The following ADAMTS9 variants were observed in gnomAD, a reference collection of about 807,000 sequenced individuals.
The protein encoded by ADAMTS9 is ADAM metallopeptidase with thrombospondin type 1 motif 9, also known as A disintegrin and metalloproteinase with thrombospondin motifs 9.
In ADAMTS9, 107 loss-of-function variants were observed where a neutral mutation model predicts 257.1. The ratio of observed to expected loss-of-function variants is 0.42; its 90% CI spans 0.36 to 0.49. The LOEUF is 0.49. Among genes scored for constraint, ADAMTS9 ranks in the 20% least tolerant of loss-of-function variants. The pLI is 0.03. For missense variants in ADAMTS9, 2,353 were observed against 2,469.1 expected (o/e 0.95, Z 1.00); for synonymous variants, 982 against 880.9 (o/e 1.11, Z -2.03).
At chr3:64,659,271 C>T (rs1329648845) in intron 3 of ADAMTS9, among the ~76,000 whole-genome samples, 1 of 152,042 alleles carries the variant, frequency 6.6e-6, no homozygotes, top group Non-Finnish European at 1.5e-5. Context: ...AGTTTGAGAC[C>T]AGACTGGCCA....
In ADAMTS9 at chr3:64,649,777, T is replaced by C. The variant is rs1422030377; in HGVS notation, c.1465A>G (p.Thr489Ala). The change falls in exon 10 of 40, where the codon ACT becomes GCT. Residue 489 changes from threonine (T) to alanine (A), a missense_variant and splice_region_variant. Around this residue, in one of 3 missense-constraint regions of ADAMTS9, gnomAD observed 360 missense variants for 458.1 expected, o/e 0.79. Coordinates refer to ENST00000498707, the MANE Select transcript of ADAMTS9 (RefSeq NM_182920.2). Reference protein sequence around the residue: ...SRKYITEFLDTGYGECLLNEP... With the variant: ...SRKYITEFLDAGYGECLLNEP... ...TTAAGCAAACACTCGCCATAACCAG[T>C]GCTACGGAAACACACAGAAACACAC... 2.5e-6 allele frequency: 4 copies of C among 1,612,614 alleles called. No individual in the cohort carries two copies. The highest frequency in any genetic ancestry group is 3.4e-6 in the Non-Finnish European group (4 of 1,179,352).
chr3:64,632,094 G>A (rs913827463), intron 14 of ADAMTS9, among the ~76,000 whole-genome samples, 169 bp from the exon 15 acceptor site: 1 of 152,148 alleles, frequency 6.6e-6, no homozygotes, highest in African/African-American at 2.4e-5. Flanking sequence ...TATTTAAAAT[G>A]TGGTCCTTGG....
intron 28 of ADAMTS9, among the ~76,000 whole-genome samples, chr3:64,580,311 A>G (rs765258787): frequency 6.6e-6 from 1 of 152,172 alleles, no homozygotes; most frequent in Non-Finnish European, 1.5e-5. Flanking sequence ...TTCATTTAGA[A>G]AAAGCCTTGC....
intron 11 of ADAMTS9, among the ~76,000 whole-genome samples, chr3:64,642,261 T>C (rs1245535544): frequency 1.3e-5 from 2 of 152,146 alleles, no homozygotes; most frequent in African/African-American, 4.8e-5. Context: ...ATGGCAAGCT[T>C]CAAACCACTC....
chr3:64,572,678 A>T (rs2083721418), intron 28 of ADAMTS9, among the ~76,000 whole-genome samples: 1 of 152,216 alleles, frequency 6.6e-6, no homozygotes, highest in South Asian at 2.1e-4. Flanking sequence ...TAAAGATACC[A>T]TAAAGAACCA....
At chr3:64,553,914 T>A (rs2083299987) in intron 30 of ADAMTS9, among the ~76,000 whole-genome samples, 1 of 151,778 alleles carries the variant, frequency 6.6e-6, no homozygotes, top group Non-Finnish European at 1.5e-5. Context: ...TTTTCATCAT[T>A]AAAAAGGTGA....
intron 21 of ADAMTS9, chr3:64,614,787 A>C (rs1363561556): frequency 2.6e-5 from 4 of 152,282 alleles, no homozygotes; most frequent in African/African-American, 9.7e-5. Context: ...TTCATAAAGT[A>C]AAGGATGAGA....
At chr3:64,655,430 G>T in intron 6 of ADAMTS9, 146 bp downstream of exon 6, 1 of 660,148 alleles carries the variant, frequency 1.5e-6, no homozygotes, top group Non-Finnish European at 2.7e-6. Context: ...ATCTTGCAAT[G>T]CACAGAAGGA....
chr3:64,629,134 C>T (rs938454643), intron 16 of ADAMTS9, among the ~76,000 whole-genome samples: 1 of 152,172 alleles, frequency 6.6e-6, no homozygotes, highest in Non-Finnish European at 1.5e-5. Context: ...TAACTACATA[C>T]TGCCACTTTC....
chr3:64,534,942 C>T (rs1028219365), intron 37 of ADAMTS9, among the ~76,000 whole-genome samples: 1 of 152,116 alleles, frequency 6.6e-6, no homozygotes, highest in Non-Finnish European at 1.5e-5. Flanking sequence ...ATCTTGCTCC[C>T]TTCTTTACTT....
chr3:64,684,095 A>C (rs1005908227), intron 2 of ADAMTS9, among the ~76,000 whole-genome samples: 1 of 152,196 alleles, frequency 6.6e-6, no homozygotes, highest in African/African-American at 2.4e-5. Context: ...GGTGCAGAGA[A>C]AGCAGTGTAA....
chr3:64,541,284 C>T, intron 35 of ADAMTS9, 36 bp downstream of exon 35: 2 of 1,613,790 alleles, frequency 1.2e-6, no homozygotes, highest in South Asian at 2.2e-5. Context: ...CAGGGATCTC[C>T]AGGCCTCTGA....
Position 64,566,601 on chromosome 3 carries a change from G to C in ADAMTS9, c.4524+1767C>G, listed in dbSNP as rs2083551472. Among the ~76,000 whole-genome samples the C allele has an allele frequency of 2.0e-5, 3 of 152,078 alleles. No individual in the cohort carries two copies. The South Asian group carries it at 6.2e-4, about 32-fold the overall frequency. On this transcript the variant is annotated intron_variant, in intron 29 of 39. Coordinates refer to ENST00000498707, the MANE Select transcript of ADAMTS9 (RefSeq NM_182920.2). ...TTCCCATCAAGATCACATGATGCTG[G>C]ATTAAAACTCACTCTGTGTTTACCA... is the stretch of plus-strand genomic sequence containing the variant.
At chr3:64,603,399 A>G (rs534731971) in intron 25 of ADAMTS9, among the ~76,000 whole-genome samples, 1 of 141,074 alleles carries the variant, frequency 7.1e-6, no homozygotes, top group Non-Finnish European at 1.5e-5. Flanking sequence ...GAAGCTGCCT[A>G]AAGATAAAAG....
intron 3 of ADAMTS9, among the ~76,000 whole-genome samples, chr3:64,676,528 A>AT (rs1701628060): frequency 1.3e-5 from 2 of 152,006 alleles, no homozygotes; most frequent in African/African-American, 2.4e-5. Context: ...CATTAAAAAA[A>AT]AATAATATCC....
At chr3:64,634,987 G>C (rs908802817) in intron 12 of ADAMTS9, among the ~76,000 whole-genome samples, 7 of 152,096 alleles carry the variant, frequency 4.6e-5, no homozygotes, top group African/African-American at 1.7e-4. Context: ...CCTAGACTAA[G>C]TTCTCAGTCT....
intron 27 of ADAMTS9, 144 bp downstream of exon 27, chr3:64,596,686 T>C: frequency 1.0e-6 from 1 of 994,680 alleles, no homozygotes; most frequent in East Asian, 2.5e-5. Context: ...GTCCAGAATT[T>C]AAGAAGACAG....
chr3:64,535,853 C>A (rs1201702641), intron 37 of ADAMTS9, among the ~76,000 whole-genome samples: 4 of 151,974 alleles, frequency 2.6e-5, no homozygotes, highest in African/African-American at 4.8e-5. Flanking sequence ...CCCCCTCCCC[C>A]CAAAATTTTC....
intron 3 of ADAMTS9, among the ~76,000 whole-genome samples, chr3:64,663,727 C>T (rs928763494): frequency 2.0e-5 from 3 of 152,076 alleles, no homozygotes; most frequent in African/African-American, 7.2e-5. Context: ...ATTCAGCATA[C>T]TTTAGGTGGC....
Sources: gnomAD v4.1 joint callset for allele counts (sites outside exome capture counted in the v4.1 genomes callset) on GRCh38, gnomAD v4.1.1 for gene constraint, gnomAD v4.1.1 regional missense constraint, MANE v1.5 for transcripts, NCBI Gene and HGNC (gene_info 2026-07-23, HGNC 2026-07-21) for gene names.